ACSS3: variants seen among roughly 807,000 people sequenced by gnomAD.
ACSS3 encodes acyl-CoA synthetase short-chain family member 3, mitochondrial.
A neutral mutation model predicts 84.2 loss-of-function variants in ACSS3; 64 were observed. That is an observed-to-expected ratio of 0.76 (90% CI 0.62 to 0.94). The LOEUF is 0.94. Among genes scored for constraint, ACSS3 ranks in the 40% least tolerant of loss-of-function variants. The pLI is 0.00. For synonymous variants in ACSS3, 317 were observed against 310.1 expected, an observed-to-expected ratio of 1.02 and a Z score of -0.23; for missense variants, 815 against 867.6, an observed-to-expected ratio of 0.94 and a Z score of 0.76.
chr12:81,240,465 A>T (rs1384549847), intron 13 of ACSS3, among the ~76,000 whole-genome samples: 2 of 152,034 alleles, frequency 1.3e-5, no homozygotes, highest in Non-Finnish European at 2.9e-5. Context: ...TTCAGAAAAC[A>T]TATAATTGAG....
At chr12:81,081,622 T>C (rs569307788) in intron 1 of ACSS3, among the ~76,000 whole-genome samples, 53 of 152,316 alleles carry the variant, frequency 3.5e-4, no homozygotes, top group Non-Finnish European at 5.9e-4. Flanking sequence ...CACTTTTCTA[T>C]TATATATTGT....
At chr12:81,228,354 G>T (rs916611006) in intron 11 of ACSS3, among the ~76,000 whole-genome samples, 1 of 151,740 alleles carries the variant, frequency 6.6e-6, no homozygotes, top group Non-Finnish European at 1.5e-5. Context: ...GACCTTTCTT[G>T]TAAGAATGAG....
chr12:81,156,412 A>G (rs1276451850), intron 7 of ACSS3, among the ~76,000 whole-genome samples: 2 of 152,190 alleles, frequency 1.3e-5, no homozygotes, highest in African/African-American at 4.8e-5. Flanking sequence ...GGAAAAGAGG[A>G]ACAAAATATA....
At chr12:81,081,794 A>G (rs1050475103) in intron 1 of ACSS3, among the ~76,000 whole-genome samples, 2 of 152,264 alleles carry the variant, frequency 1.3e-5, no homozygotes, top group Admixed American at 1.3e-4. Context: ...AAAGGAAAAG[A>G]CTAACTAAAT....
At chr12:81,200,368 C>T (rs1593189209) in intron 9 of ACSS3, among the ~76,000 whole-genome samples, 1 of 152,304 alleles carries the variant, frequency 6.6e-6, no homozygotes, top group Middle Eastern at 3.4e-3. Context: ...TTTTTATATA[C>T]ATATTTTCAG....
At chr12:81,129,376 G>T (rs1489491148) in intron 2 of ACSS3, among the ~76,000 whole-genome samples, 1 of 152,100 alleles carries the variant, frequency 6.6e-6, no homozygotes, top group Non-Finnish European at 1.5e-5. Context: ...TGGGAATAGT[G>T]AGTTCTATGG....
At chr12:81,210,172 C>A (rs1013589702) in intron 9 of ACSS3, among the ~76,000 whole-genome samples, 3 of 152,114 alleles carry the variant, frequency 2.0e-5, no homozygotes, top group Non-Finnish European at 4.4e-5. Context: ...GTTTGAATGC[C>A]TCTGACATAT....
chr12:81,201,044 A>G (rs1325733167), intron 9 of ACSS3, among the ~76,000 whole-genome samples: 3 of 152,164 alleles, frequency 2.0e-5, no homozygotes, highest in Non-Finnish European at 4.4e-5. Flanking sequence ...TTCCAGTTTT[A>G]TTTACTAAGG....
At chr12:81,235,725 A>AT (rs1297965208) in intron 13 of ACSS3, among the ~76,000 whole-genome samples, 2 of 151,426 alleles carry the variant, frequency 1.3e-5, no homozygotes, top group African/African-American at 4.8e-5. Flanking sequence ...TAAGTATTTA[A>AT]TTTTTTAGCT....
chr12:81,106,714 A>G (rs1048479227), intron 1 of ACSS3, among the ~76,000 whole-genome samples: 21 of 152,198 alleles, frequency 1.4e-4, no homozygotes, highest in African/African-American at 4.1e-4. Flanking sequence ...TTTACAATGA[A>G]CAAAGCCATT....
intron 7 of ACSS3, among the ~76,000 whole-genome samples, chr12:81,156,203 CACA>C (rs1205991055): frequency 6.9e-5 from 9 of 131,242 alleles, no homozygotes; most frequent in African/African-American, 1.7e-4. Flanking sequence ...CACACACACA[CACA>C]CCCCACACAC....
chr12:81,165,721 T>C (rs1309905625), intron 7 of ACSS3, among the ~76,000 whole-genome samples: 1 of 152,082 alleles, frequency 6.6e-6, no homozygotes, highest in Non-Finnish European at 1.5e-5. Flanking sequence ...ACTCTTACAC[T>C]GTGTAGAAGA....
intron 9 of ACSS3, among the ~76,000 whole-genome samples, chr12:81,208,167 C>T (rs1195423163): frequency 6.6e-6 from 1 of 152,044 alleles, no homozygotes; most frequent in Non-Finnish European, 1.5e-5. Context: ...GCCTCTATGC[C>T]CATCGTGATG....
chr12:81,080,998 G>C (rs966987568), intron 1 of ACSS3, among the ~76,000 whole-genome samples: 1 of 152,168 alleles, frequency 6.6e-6, no homozygotes, highest in Non-Finnish European at 1.5e-5. Flanking sequence ...GATTGCTATA[G>C]CTAATTGTTC....
intron 13 of ACSS3, among the ~76,000 whole-genome samples, chr12:81,249,095 TAA>T (rs990819756): frequency 1.1e-4 from 16 of 152,034 alleles, no homozygotes; most frequent in Non-Finnish European, 2.2e-4. Context: ...AGTCTATTTT[TAA>T]AGTGTTGATT....
chr12:81,167,785 A>AC (rs1887472523), intron 7 of ACSS3, among the ~76,000 whole-genome samples: 1 of 152,154 alleles, frequency 6.6e-6, no homozygotes, highest in Admixed American at 6.5e-5. Flanking sequence ...ACCTTAGTAC[A>AC]TATGTATCTT....
At chr12:81,137,110 G>T (rs532234959) in intron 3 of ACSS3, among the ~76,000 whole-genome samples, 1 of 150,668 alleles carries the variant, frequency 6.6e-6, no homozygotes, top group East Asian at 1.9e-4. Flanking sequence ...CTGATTTGTG[G>T]ACAAACCATC....
At chr12:81,203,993 A>G (rs1386875188) in intron 9 of ACSS3, among the ~76,000 whole-genome samples, 2 of 152,202 alleles carry the variant, frequency 1.3e-5, no homozygotes, top group East Asian at 3.8e-4. Context: ...GCCAAAAAAA[A>G]GAAATGAACA....
At chr12:81,139,020 C>A in intron 3 of ACSS3, 111 bp from the exon 4 acceptor site, 1 of 1,162,852 alleles carries the variant, frequency 8.6e-7, no homozygotes, top group Non-Finnish European at 1.2e-6. Flanking sequence ...AAAACAGAAA[C>A]ATTCAGACAT....
Sources: gnomAD v4.1 joint callset for allele counts (sites outside exome capture counted in the v4.1 genomes callset) on GRCh38, gnomAD v4.1.1 for gene constraint, MANE v1.5 for transcripts, NCBI Gene and HGNC (gene_info 2026-07-23, HGNC 2026-07-21) for gene names.